The following LNX1 variants were observed in gnomAD, a reference collection of about 807,000 sequenced individuals.
LNX1 encodes ligand of numb-protein X 1, also known as E3 ubiquitin-protein ligase LNX.
LNX1 carries 54 observed loss-of-function variants against 68.4 expected under a neutral mutation model. The observed-to-expected ratio is 0.79, with a 90% CI of 0.63 to 0.99. The LOEUF (loss-of-function observed/expected upper bound fraction) is 0.99, where lower values mean the gene tolerates loss of function less well. LNX1 is among the 50% of genes least tolerant of loss of function. The probability of loss-of-function intolerance (pLI) is 0.00; values close to 1 mark genes in which losing one functional copy is unlikely to be tolerated. For missense variants in LNX1, 906 were observed against 926.4 expected, an observed-to-expected ratio of 0.98 and a Z score of 0.29; for synonymous variants, 336 against 350.0, an observed-to-expected ratio of 0.96 and a Z score of 0.45.
chr4:53,627,875 T>G (rs1734136106), intron 1 of LNX1, among the ~76,000 whole-genome samples: 1 of 152,204 alleles, frequency 6.6e-6, no homozygotes, highest in African/African-American at 2.4e-5. Context: ...TTGGGAGATT[T>G]GAAGATGAGG....
At chr4:53,509,787 G>A (rs1252382279) in intron 2 of LNX1, among the ~76,000 whole-genome samples, 1 of 152,112 alleles carries the variant, frequency 6.6e-6, no homozygotes, top group Non-Finnish European at 1.5e-5. Flanking sequence ...GTGATTGATG[G>A]GGTTGTGAAG....
At chr4:53,573,556 G>C in intron 2 of LNX1, 67 bp downstream of exon 2, 2 of 1,057,536 alleles carry the variant, frequency 1.9e-6, no homozygotes, top group South Asian at 1.5e-5. Flanking sequence ...CAGGAGACTG[G>C]GGGGTGGAGG....
intron 2 of LNX1, among the ~76,000 whole-genome samples, chr4:53,519,105 C>T (rs1313027954): frequency 6.6e-6 from 1 of 152,130 alleles, no homozygotes; most frequent in Admixed American, 6.5e-5. Context: ...CCCCACATGC[C>T]CAGGCTGGCT....
chr4:53,607,203 C>G (rs1194397077), intron 2 of LNX1, among the ~76,000 whole-genome samples: 35 of 152,116 alleles, frequency 2.3e-4, no homozygotes, highest in Admixed American at 2.3e-3. Context: ...GATTCTACAC[C>G]TAGAAAATTC....
At chr4:53,568,334 G>T (rs1730858971) in intron 2 of LNX1, among the ~76,000 whole-genome samples, 1 of 151,568 alleles carries the variant, frequency 6.6e-6, no homozygotes. Flanking sequence ...ATGCAAGGCT[G>T]GTTCAATATA....
At chr4:53,602,369 G>A (rs999773878) in intron 2 of LNX1, among the ~76,000 whole-genome samples, 2 of 152,222 alleles carry the variant, frequency 1.3e-5, no homozygotes, top group Admixed American at 1.3e-4. Context: ...CACCAGTGAA[G>A]GAGAGGAGGG....
rs1440086750 is a variant in LNX1, at chr4:53,460,472, T to C, written c.*435A>G. ...AGACAACTATAACTTCTGAAAAATA[T>C]TTATTCTTGTTTGATGAAAGCAACG... On this transcript the variant is annotated 3_prime_UTR_variant, in exon 11 of 11. Coordinates refer to ENST00000263925, the MANE Select transcript of LNX1 (RefSeq NM_001126328.3). The C allele has an allele frequency of 2.1e-5, 4 of 194,128 alleles. No individual in the cohort carries two copies. Among genetic ancestry groups the C allele is most frequent in the Non-Finnish European group, 3.2e-5 (3 of 93,684 alleles). The allele number at this position is 194,128 out of a possible 1,614,324, so 12.0% of individuals were successfully genotyped here.
intron 1 of LNX1, among the ~76,000 whole-genome samples, chr4:53,639,572 G>T (rs1381417059): frequency 6.6e-6 from 1 of 152,134 alleles, no homozygotes; most frequent in Admixed American, 6.5e-5. Context: ...GATGAAAATG[G>T]TGCAAACAAA....
At chr4:53,507,946 C>T (rs1393144631) in intron 3 of LNX1, 40 bp downstream of exon 3, 1 of 1,596,260 alleles carries the variant, frequency 6.3e-7, no homozygotes, top group Admixed American at 1.7e-5. Context: ...CAATCGCAAG[C>T]CAAGGAGCCC....
intron 2 of LNX1, among the ~76,000 whole-genome samples, chr4:53,560,517 A>G (rs895200414): frequency 1.3e-5 from 2 of 152,190 alleles, no homozygotes; most frequent in African/African-American, 4.8e-5. Flanking sequence ...ACAGATGGGC[A>G]TCTGTATAAC....
chr4:53,622,968 G>T (rs1259026069), intron 1 of LNX1, among the ~76,000 whole-genome samples: 4 of 152,112 alleles, frequency 2.6e-5, no homozygotes, highest in African/African-American at 4.8e-5. Context: ...GCACAAGAAA[G>T]GTGGAAACAG....
chr4:53,561,416 T>C (rs935383262), intron 2 of LNX1, among the ~76,000 whole-genome samples: 1 of 152,078 alleles, frequency 6.6e-6, no homozygotes, highest in Non-Finnish European at 1.5e-5. Context: ...TTAGTAGAGA[T>C]GGGGTTTCAC....
upstream of LNX1, among the ~76,000 whole-genome samples, chr4:53,620,508 G>A (rs1315037155): frequency 1.3e-5 from 2 of 152,170 alleles, no homozygotes; most frequent in African/African-American, 4.8e-5. Flanking sequence ...GTCAGACACA[G>A]TGTTAGGTGT....
At chr4:53,640,144 G>A (rs28571951) in intron 1 of LNX1, among the ~76,000 whole-genome samples, 2,274 of 152,314 alleles carry the variant, frequency 0.015, 75 homozygotes, top group African/African-American at 0.052. Context: ...CAGTGGTGGT[G>A]GGAGTATAGG....
intron 5 of LNX1, among the ~76,000 whole-genome samples, chr4:53,497,817 T>C (rs1416875405): frequency 6.6e-6 from 1 of 152,200 alleles, no homozygotes; most frequent in African/African-American, 2.4e-5. Flanking sequence ...TGCTTTAGGT[T>C]ATTTCTCCTC....
At chr4:53,633,941 A>G (rs1734369663) in intron 1 of LNX1, among the ~76,000 whole-genome samples, 2 of 152,198 alleles carry the variant, frequency 1.3e-5, no homozygotes, top group Non-Finnish European at 2.9e-5. Flanking sequence ...TAGAGTTCCT[A>G]AAATATGATC....
chr4:53,557,805 T>A, intron 2 of LNX1: 1 of 1,580,962 alleles, frequency 6.3e-7, no homozygotes, highest in Non-Finnish European at 8.7e-7. Context: ...AGCTAGGGAA[T>A]GGACTCGGGT....
intron 1 of LNX1, among the ~76,000 whole-genome samples, chr4:53,628,841 A>C (rs557220851): frequency 6.6e-6 from 1 of 152,326 alleles, no homozygotes; most frequent in East Asian, 1.9e-4. Flanking sequence ...TGGACGAAGC[A>C]GGAGGCCATT....
chr4:53,625,549 C>T lies in LNX1; in HGVS notation c.-215+26619G>A, dbSNP rs558567977. On this transcript the variant is annotated intron_variant, in intron 1 of 2. Coordinates refer to the LNX1 transcript ENST00000507168. The stretch of plus-strand genomic sequence containing the variant: ...TGGTGGCTCACACCTGTAATCCCAG[C>T]ACTTTGGGAGGCCAAAGCAGAAGGA... Among the ~76,000 whole-genome samples the T allele has an allele frequency of 2.0e-5, 3 of 152,280 alleles. No homozygotes were observed. In the South Asian group the frequency reaches 6.2e-4, roughly 32 times the overall value.
Sources: allele counts gnomAD v4.1 joint callset (sites outside exome capture counted in the v4.1 genomes callset), GRCh38; gene constraint gnomAD v4.1.1; transcripts MANE v1.5; gene names NCBI Gene and HGNC (gene_info 2026-07-23, HGNC 2026-07-21).